Variants in FAM169A observed in about 807,000 individuals in gnomAD.
FAM169A encodes soluble lamin-associated protein of 75 kDa.
Under a neutral mutation model 75.7 loss-of-function variants are expected in FAM169A, and 24 were observed. The ratio of observed to expected loss-of-function variants is 0.32; its 90% CI spans 0.23 to 0.45. The LOEUF is 0.45. Among genes scored for constraint, FAM169A ranks in the 20% least tolerant of loss-of-function variants. The probability of loss-of-function intolerance (pLI) is 1.00; values close to 1 mark genes in which losing one functional copy is unlikely to be tolerated. For synonymous variants in FAM169A, 271 were observed against 271.0 expected, an observed-to-expected ratio of 1.00 and a Z score of 0.00; for missense variants, 673 against 784.0, an observed-to-expected ratio of 0.86 and a Z score of 1.69.
At chr5:74,834,179 T>G (rs557311347) in intron 5 of FAM169A, among the ~76,000 whole-genome samples, 1 of 152,146 alleles carries the variant, frequency 6.6e-6, no homozygotes, top group African/African-American at 2.4e-5. Flanking sequence ...TACAACTGTG[T>G]CTCCATATAT....
chr5:74,785,345 A>G (rs1388346002), intron 11 of FAM169A, among the ~76,000 whole-genome samples: 1 of 152,192 alleles, frequency 6.6e-6, no homozygotes, highest in Middle Eastern at 3.2e-3. Context: ...AACCCCACAA[A>G]TACGTATTTC....
At position 74,856,561 on chromosome 5, in the gene FAM169A, C is replaced by T. The variant is rs1027186537; in HGVS notation, c.-4+9604G>A. 7.3e-5 allele frequency among the ~76,000 whole-genome samples: 11 copies of T among 151,716 alleles called. No individual in the cohort carries two copies. The East Asian group carries it at 2.1e-3, about 29-fold the overall frequency. Reference sequence around the variant, plus strand: ...CAAATATTTATTTAATGAGTTACTCCAAAATAGAGCTAGGGGAAAAATAAA... The same window carrying T: ...CAAATATTTATTTAATGAGTTACTCTAAAATAGAGCTAGGGGAAAAATAAA... On this transcript the variant is annotated intron_variant, in intron 1 of 12. Coordinates refer to ENST00000687041, the MANE Select transcript of FAM169A (RefSeq NM_001376049.1).
rs918514426 is a variant in FAM169A, at chr5:74,782,898, A to G, written c.1464+33T>C. ...TCGCTAATGTCACCAACATTGGTAA[A>G]CTTTATTAAAAAATAGCTCATTGCC... On this transcript the variant is annotated intron_variant, in intron 12 of 12. Transcript: ENST00000687041. 1.4e-5 allele frequency: 22 copies of G among 1,545,804 alleles called. No individual in the cohort carries two copies. The African/African-American group carries it at 2.3e-4, about 16-fold the overall frequency.
intron 11 of FAM169A, among the ~76,000 whole-genome samples, chr5:74,789,185 A>T (rs942698210): frequency 6.6e-6 from 1 of 152,210 alleles, no homozygotes; most frequent in Non-Finnish European, 1.5e-5. Context: ...ACACTGGCCC[A>T]TAACATTGAT....
intron 3 of FAM169A, 81 bp from the exon 4 acceptor site, chr5:74,839,131 G>T: frequency 4.2e-6 from 4 of 947,492 alleles, no homozygotes; most frequent in Non-Finnish European, 6.9e-6. Flanking sequence ...GTACTATAAA[G>T]TATCCATATA....
chr5:74,866,809 C>T (rs1191796573), upstream of FAM169A: 7 of 985,456 alleles, frequency 7.1e-6, no homozygotes, highest in Non-Finnish European at 8.4e-6. Context: ...GTAGGCCCTC[C>T]TGAAATTTAC....
chr5:74,863,974 C>T (rs1311489610), intron 1 of FAM169A, among the ~76,000 whole-genome samples: 3 of 152,170 alleles, frequency 2.0e-5, no homozygotes, highest in East Asian at 3.8e-4. Flanking sequence ...ATTCCCTAAA[C>T]CAAGACTCAT....
intron 5 of FAM169A, among the ~76,000 whole-genome samples, chr5:74,824,750 T>G (rs1397444336): frequency 1.3e-5 from 2 of 151,400 alleles, no homozygotes; most frequent in African/African-American, 4.8e-5. Flanking sequence ...CAAACACACT[T>G]TCTACACCCC....
intron 1 of FAM169A, among the ~76,000 whole-genome samples, chr5:74,851,452 A>G (rs1302974665): frequency 6.6e-6 from 1 of 152,230 alleles, no homozygotes; most frequent in Non-Finnish European, 1.5e-5. Flanking sequence ...CACAAAATAC[A>G]TACTGAATTA....
intron 6 of FAM169A, among the ~76,000 whole-genome samples, chr5:74,807,856 C>A (rs1056653115): frequency 1.3e-5 from 2 of 152,176 alleles, no homozygotes; most frequent in East Asian, 3.9e-4. Flanking sequence ...CAGCGGCTCA[C>A]GCCTGTAATC....
Position 74,781,541 on chromosome 5 carries a change from C to CACG in FAM169A, c.1931_1932insCGT (p.Val644dup). On this transcript the variant is annotated inframe_insertion, in exon 13 of 13. Transcript: ENST00000687041. ...TTAAATTCCGCCTGTCTACCACAGG[C>CACG]ACTTCCACTTCTATTTCCTCTGAGC... 1 of 1,614,178 alleles carries CACG rather than the reference C, an allele frequency of 6.2e-7. No individual in the cohort carries two copies. Among genetic ancestry groups the CACG allele is most frequent in the Non-Finnish European group, 8.5e-7 (1 of 1,180,012 alleles).
chr5:74,838,334 CTTT>C (rs1157705905), intron 4 of FAM169A, among the ~76,000 whole-genome samples: 2 of 152,080 alleles, frequency 1.3e-5, no homozygotes, highest in Non-Finnish European at 2.9e-5. Flanking sequence ...AAGATTTCAT[CTTT>C]TTTTATTATG....
chr5:74,782,155 G>A (rs934390682), intron 12 of FAM169A, 147 bp from the exon 13 acceptor site: 8 of 631,158 alleles, frequency 1.3e-5, no homozygotes, highest in Non-Finnish European at 2.2e-5. Context: ...TTTCTGTTCT[G>A]CTATATGTGT....
At chr5:74,816,347 T>C (rs1029161370) in intron 5 of FAM169A, among the ~76,000 whole-genome samples, 2 of 152,232 alleles carry the variant, frequency 1.3e-5, no homozygotes, top group African/African-American at 4.8e-5. Context: ...AGAATACTAC[T>C]GAAATGCAGA....
chr5:74,864,167 G>A (rs1018844731), intron 1 of FAM169A, among the ~76,000 whole-genome samples: 2 of 152,202 alleles, frequency 1.3e-5, no homozygotes, highest in African/African-American at 4.8e-5. Context: ...TAATAAGGAG[G>A]ATGGCATGGA....
At chr5:74,796,281 A>C in intron 10 of FAM169A, 95 bp from the exon 11 acceptor site, 2 of 1,135,426 alleles carry the variant, frequency 1.8e-6, no homozygotes, top group Non-Finnish European at 2.4e-6. Context: ...TAGAGAATCA[A>C]CTATGTTGTC....
At chr5:74,857,571 GGAAAAAAAAAAAA>G (rs1209952518) in intron 1 of FAM169A, among the ~76,000 whole-genome samples, 11 of 65,746 alleles carry the variant, frequency 1.7e-4, no homozygotes, top group African/African-American at 4.4e-4. Flanking sequence ...CCTTGCCGCG[GGAAAAAAAAAAAA>G]AAAAAAAAAA....
intron 11 of FAM169A, among the ~76,000 whole-genome samples, chr5:74,790,193 G>C (rs139354831): frequency 2.2e-3 from 337 of 152,260 alleles, no homozygotes; most frequent in African/African-American, 7.9e-3. Flanking sequence ...CCTATAATCA[G>C]CTGACAGAGG....
chr5:74,799,036 GC>G (rs1746424333), intron 10 of FAM169A: 1 of 1,094,396 alleles, frequency 9.1e-7, no homozygotes, highest in Admixed American at 1.7e-5. Context: ...CAACTGTCGT[GC>G]CTGAAACAGG....
Sources: allele counts gnomAD v4.1 joint callset (sites outside exome capture counted in the v4.1 genomes callset), GRCh38; gene constraint gnomAD v4.1.1; transcripts MANE v1.5; gene names NCBI Gene and HGNC (gene_info 2026-07-23, HGNC 2026-07-21).